Variants in TRAK1 observed in about 807,000 individuals in gnomAD.
TRAK1 encodes trafficking kinesin protein 1, also known as trafficking kinesin-binding protein 1.
A neutral mutation model predicts 92.1 loss-of-function variants in TRAK1; 33 were observed. That is an observed-to-expected ratio of 0.36 (90% confidence interval 0.27 to 0.48). The LOEUF is 0.48. Among genes scored for constraint, TRAK1 ranks in the 20% least tolerant of loss-of-function variants. The probability of loss-of-function intolerance (pLI) is 0.99; values close to 1 mark genes in which losing one functional copy is unlikely to be tolerated. For synonymous variants in TRAK1, 521 were observed against 517.3 expected (o/e 1.01, Z -0.10); for missense variants, 1,123 against 1,257.9 (o/e 0.89, Z 1.62).
intron 1 of TRAK1, chr3:42,051,436 C>T (rs1702977207): frequency 6.6e-6 from 1 of 152,286 alleles, no homozygotes; most frequent in Admixed American, 6.5e-5. Flanking sequence ...TAGGGAGCCT[C>T]CATTCTATGC....
At chr3:42,117,657 C>T (rs1309198696) in intron 1 of TRAK1, among the ~76,000 whole-genome samples, 19 of 152,162 alleles carry the variant, frequency 1.2e-4, no homozygotes, top group Non-Finnish European at 1.5e-5. Context: ...AGCCCTCAAG[C>T]TCCAGCGTGC....
At chr3:42,143,062 G>C (rs991731971) in intron 2 of TRAK1, among the ~76,000 whole-genome samples, 3 of 152,150 alleles carry the variant, frequency 2.0e-5, no homozygotes, top group African/African-American at 7.2e-5. Context: ...CCTAAATCTG[G>C]GCACCAGAAT....
At chr3:42,133,678 A>G (rs1421963255) in intron 2 of TRAK1, among the ~76,000 whole-genome samples, 1 of 152,236 alleles carries the variant, frequency 6.6e-6, no homozygotes, top group Non-Finnish European at 1.5e-5. Context: ...CAATAATTAT[A>G]ATAATGACTC....
chr3:42,179,053 A>G (rs190621183), intron 3 of TRAK1, among the ~76,000 whole-genome samples: 18 of 152,314 alleles, frequency 1.2e-4, no homozygotes, highest in Admixed American at 5.2e-4. Flanking sequence ...TTTTAAATTA[A>G]AAAATTCTCT....
intron 14 of TRAK1, chr3:42,212,289 G>A: frequency 1.0e-6 from 1 of 985,392 alleles, no homozygotes; most frequent in Non-Finnish European, 1.2e-6. Context: ...GGGCTTTTCT[G>A]TTACCAAACA....
At chr3:42,193,457 G>T (rs761350793) in intron 8 of TRAK1, among the ~76,000 whole-genome samples, 9 of 152,104 alleles carry the variant, frequency 5.9e-5, no homozygotes, top group Non-Finnish European at 1.2e-4. Flanking sequence ...ATGGACTTTT[G>T]CAGTTTAACT....
chr3:42,027,782 T>G (rs778332401), intron 1 of TRAK1, among the ~76,000 whole-genome samples: 1 of 152,192 alleles, frequency 6.6e-6, no homozygotes, highest in Non-Finnish European at 1.5e-5. Flanking sequence ...ACAACCATTT[T>G]TCACTTCTCT....
intron 1 of TRAK1, among the ~76,000 whole-genome samples, chr3:42,102,027 C>A (rs550594909): frequency 6.6e-6 from 1 of 152,314 alleles, no homozygotes; most frequent in Admixed American, 6.5e-5. Context: ...ACTCTATCAC[C>A]TAGGCTGGAG....
At chr3:42,213,761 G>A (rs1033737992) in intron 14 of TRAK1, among the ~76,000 whole-genome samples, 9 of 152,192 alleles carry the variant, frequency 5.9e-5, no homozygotes, top group South Asian at 2.1e-4. Flanking sequence ...TGGTATGCTC[G>A]ATTCACAGAC....
intron 1 of TRAK1, among the ~76,000 whole-genome samples, chr3:42,037,587 C>T (rs1322793401): frequency 6.6e-6 from 1 of 152,220 alleles, no homozygotes; most frequent in Non-Finnish European, 1.5e-5. Context: ...GTAACTCTGA[C>T]AGTTTCTGTG....
chr3:42,158,148 AG>A (rs1700779606), intron 2 of TRAK1, among the ~76,000 whole-genome samples: 1 of 152,228 alleles, frequency 6.6e-6, no homozygotes, highest in Non-Finnish European at 1.5e-5. Flanking sequence ...AGAATATCTA[AG>A]TCTCTGTATG....
intron 11 of TRAK1, among the ~76,000 whole-genome samples, chr3:42,200,075 G>A (rs184328205): frequency 6.6e-6 from 1 of 152,264 alleles, no homozygotes; most frequent in Admixed American, 6.5e-5. Context: ...TGTTTGTAAG[G>A]AACATGTGGA....
chr3:42,205,481 G>C (rs1708226792), intron 13 of TRAK1, among the ~76,000 whole-genome samples: 1 of 152,216 alleles, frequency 6.6e-6, no homozygotes, highest in Non-Finnish European at 1.5e-5. Flanking sequence ...AAGAGTGCTA[G>C]CACTTTCTTG....
At chr3:42,123,838 G>A (rs1710228570) in intron 1 of TRAK1, among the ~76,000 whole-genome samples, 1 of 152,064 alleles carries the variant, frequency 6.6e-6, no homozygotes, top group South Asian at 2.1e-4. Flanking sequence ...TTGGTACTGT[G>A]ACTTTGATAA....
chr3:42,160,448 T>C, intron 2 of TRAK1: 5 of 1,614,206 alleles, frequency 3.1e-6, no homozygotes, highest in Non-Finnish European at 4.2e-6. Context: ...ACAGGCAGCA[T>C]GACACCCAGG....
intron 2 of TRAK1, among the ~76,000 whole-genome samples, chr3:42,166,415 C>T (rs1433687048): frequency 6.6e-6 from 1 of 152,176 alleles, no homozygotes; most frequent in Non-Finnish European, 1.5e-5. Context: ...TATAGATCAA[C>T]ACTGGGTGTT....
intron 1 of TRAK1, among the ~76,000 whole-genome samples, chr3:42,073,695 A>G (rs903833393): frequency 7.9e-5 from 12 of 152,152 alleles, no homozygotes; most frequent in Non-Finnish European, 1.6e-4. Flanking sequence ...CCTGCAACTC[A>G]TCTCCTCATC....
chr3:42,191,625 T>A lies in TRAK1; in HGVS notation c.758T>A (p.Val253Glu). ...EKEQQLVNDC[V>E]KELRDANVQI... ...GAGCAGCAGCTGGTCAATGACTGCGTGAAGGAGCTGAGTATGTCCCCGCAC... is the reference window on the plus strand; with the variant it reads ...GAGCAGCAGCTGGTCAATGACTGCGAGAAGGAGCTGAGTATGTCCCCGCAC... The change falls in exon 7 of 16, where the codon GTG becomes GAG. Residue 253 changes from valine (V) to glutamate (E), a missense_variant. By Grantham distance (121) the Val-to-Glu change is moderately radical. Transcript: ENST00000327628. The A allele has an allele frequency of 6.2e-7, 1 of 1,601,368 alleles. No homozygotes were observed. Among genetic ancestry groups the A allele is most frequent in the South Asian group, 1.1e-5 (1 of 88,086 alleles).
chr3:42,195,596 C>G (rs1411053978), intron 10 of TRAK1, among the ~76,000 whole-genome samples: 2 of 151,960 alleles, frequency 1.3e-5, no homozygotes, highest in East Asian at 3.9e-4. Context: ...AGATACTATC[C>G]CCATCCCCCA....
Sources: gnomAD v4.1 joint callset for allele counts (sites outside exome capture counted in the v4.1 genomes callset) on GRCh38, gnomAD v4.1.1 for gene constraint, MANE v1.5 for transcripts, NCBI Gene and HGNC (gene_info 2026-07-23, HGNC 2026-07-21) for gene names.